Variants in MTMR14 observed in about 807,000 individuals in gnomAD.
MTMR14 encodes phosphatidylinositol-3,5-bisphosphate 3-phosphatase MTMR14.
In MTMR14, 48 loss-of-function variants were observed where a neutral mutation model predicts 86.3. The observed-to-expected ratio is 0.56, with a 90% CI of 0.44 to 0.71. The LOEUF (loss-of-function observed/expected upper bound fraction) is 0.71. MTMR14 is among the 30% of genes least tolerant of loss of function. The pLI is 0.00. For synonymous variants in MTMR14, 366 were observed against 326.1 expected (o/e 1.12, Z -1.32); for missense variants, 780 against 834.6 (o/e 0.93, Z 0.81).
rs112269726 is a variant in MTMR14, at chr3:9,686,610, G to A, written c.1165-1211G>A. On this transcript the variant is annotated intron_variant, in intron 13 of 18. Coordinates refer to ENST00000296003, the MANE Select transcript of MTMR14 (RefSeq NM_001077525.3). ...GTTCGGGGAACATATTAGCATATTA[G>A]CATATTAAAGACTACAAAGTCTGTA... Among the ~76,000 whole-genome samples, 89 of 152,316 alleles carry A rather than the reference G, an allele frequency of 5.8e-4. No individual in the cohort carries two copies. The Middle Eastern group carries it at 0.01, about 18-fold the overall frequency.
intron 2 of MTMR14, among the ~76,000 whole-genome samples, chr3:9,657,766 G>T (rs936598312): frequency 9.2e-5 from 14 of 152,148 alleles, no homozygotes; most frequent in East Asian, 3.9e-4. Flanking sequence ...GGCCAGGCTG[G>T]TCTTGAACTC....
chr3:9,650,243 G>A, intron 1 of MTMR14: 1 of 449,614 alleles, frequency 2.2e-6, no homozygotes, highest in Non-Finnish European at 4.5e-6. Flanking sequence ...TATAGAGCAG[G>A]AAGACAACCC....
intron 3 of MTMR14, among the ~76,000 whole-genome samples, chr3:9,665,788 G>A (rs1362656307): frequency 2.0e-5 from 3 of 150,476 alleles, no homozygotes; most frequent in Non-Finnish European, 1.5e-5. Flanking sequence ...GAGTGCAGTG[G>A]CGCGATCTCA....
intron 2 of MTMR14, among the ~76,000 whole-genome samples, chr3:9,658,778 T>C (rs912169216): frequency 1.1e-4 from 16 of 152,236 alleles, no homozygotes; most frequent in African/African-American, 3.4e-4. Context: ...CAGTAACATT[T>C]ATCTCAGGAA....
Position 9,688,743 on chromosome 3 carries a change from T to C in MTMR14, c.1283T>C (p.Ile428Thr). ...ARDGGFTLED[I>T]CMLRRKDRGS... ...GATGGAGGCTTCACCCTGGAAGACATCTGCATGCTGAGTGAGTCCTGGGCC... is the reference window on the plus strand; with the variant it reads ...GATGGAGGCTTCACCCTGGAAGACACCTGCATGCTGAGTGAGTCCTGGGCC... The change falls in exon 15 of 19, where the codon ATC becomes ACC. Residue 428 changes from isoleucine to threonine, a missense_variant. Transcript: ENST00000296003. The C allele has an allele frequency of 6.2e-7, 1 of 1,614,122 alleles. No homozygotes were observed. Among genetic ancestry groups the C allele is most frequent in the Non-Finnish European group, 8.5e-7 (1 of 1,180,028 alleles).
In MTMR14 at chr3:9,698,352, G is replaced by A. The variant is rs116603103; in HGVS notation, c.1769+486G>A. ...TCTGGGCAGGAATAAGAATTGGATGGGGATTCTAGATCCCACACCTACAAA... is the reference window on the plus strand; with the variant it reads ...TCTGGGCAGGAATAAGAATTGGATGAGGATTCTAGATCCCACACCTACAAA... On this transcript the variant is annotated intron_variant, in intron 18 of 18. Transcript: ENST00000296003. 2.9e-3 allele frequency among the ~76,000 whole-genome samples: 445 copies of A among 152,330 alleles called. 3 individuals carry two copies. The highest frequency in any genetic ancestry group is 0.01 in the African/African-American group (416 of 41,566).
intron 13 of MTMR14, among the ~76,000 whole-genome samples, chr3:9,686,828 A>T (rs748332727): frequency 5.5e-4 from 84 of 152,284 alleles, no homozygotes; most frequent in Non-Finnish European, 1.0e-3. Flanking sequence ...ATCACCACAG[A>T]AATGGAAGCC....
intron 5 of MTMR14, among the ~76,000 whole-genome samples, chr3:9,670,501 T>C (rs1471918210): frequency 6.6e-6 from 1 of 152,224 alleles, no homozygotes; most frequent in East Asian, 1.9e-4. Flanking sequence ...ATAGAAAAAT[T>C]TTATCTTTCT....
At chr3:9,692,424 G>A (rs1305211765) in intron 17 of MTMR14, among the ~76,000 whole-genome samples, 1 of 152,246 alleles carries the variant, frequency 6.6e-6, no homozygotes, top group African/African-American at 2.4e-5. Context: ...ATTGTTAGCT[G>A]TTGTTGCTGC....
intron 17 of MTMR14, among the ~76,000 whole-genome samples, chr3:9,694,887 G>A (rs752643368): frequency 1.3e-5 from 2 of 152,194 alleles, no homozygotes; most frequent in Non-Finnish European, 2.9e-5. Context: ...GCCCTGAGCC[G>A]CATCCAACTA....
intron 3 of MTMR14, among the ~76,000 whole-genome samples, chr3:9,664,048 C>G (rs927214214): frequency 6.6e-6 from 1 of 151,726 alleles, no homozygotes; most frequent in African/African-American, 2.4e-5. Flanking sequence ...CTCAGCCTCC[C>G]AAAGTGCTGG....
At chr3:9,655,704 AG>A (rs1339931588) in intron 2 of MTMR14, among the ~76,000 whole-genome samples, 2 of 149,878 alleles carry the variant, frequency 1.3e-5, no homozygotes, top group Non-Finnish European at 3.0e-5. Context: ...CTCATGATCC[AG>A]CCGCCTCGGC....
intron 3 of MTMR14, among the ~76,000 whole-genome samples, chr3:9,667,864 C>T (rs762953550): frequency 8.5e-5 from 13 of 152,172 alleles, no homozygotes; most frequent in Non-Finnish European, 1.5e-4. Flanking sequence ...TTTCCATTTG[C>T]ACATTGTGTT....
Position 9,681,357 on chromosome 3 carries a change from A to G in MTMR14, c.898-1821A>G, listed in dbSNP as rs763395138. The stretch of plus-strand genomic sequence containing the variant: ...TTGCCCCAGCTATGAAGAAGCAGCA[A>G]GGAACATTCTGCAATGACCTCCTAG... On this transcript the variant is annotated intron_variant, in intron 9 of 18. Coordinates refer to ENST00000296003, the MANE Select transcript of MTMR14 (RefSeq NM_001077525.3). Among the ~76,000 whole-genome samples the G allele has an allele frequency of 1.6e-4, 24 of 152,202 alleles. 1 individual carries two copies. The highest frequency in any genetic ancestry group is 2.6e-4 in the Non-Finnish European group (18 of 68,038).
At chr3:9,679,816 GGAAGTGAA>G (rs2075700606) in intron 9 of MTMR14, among the ~76,000 whole-genome samples, 3 of 152,222 alleles carry the variant, frequency 2.0e-5, no homozygotes, top group African/African-American at 7.2e-5. Context: ...GCTAATTCAG[GGAAGTGAA>G]CACTGAAACT....
At chr3:9,687,739 A>C in intron 13 of MTMR14, 82 bp from the exon 14 acceptor site, 2 of 1,168,178 alleles carry the variant, frequency 1.7e-6, no homozygotes, top group Non-Finnish European at 2.5e-6. Context: ...AGGGGCCTTG[A>C]CCTGAGTGGC....
In MTMR14 at chr3:9,651,981, G is replaced by A. The variant is rs997303746; in HGVS notation, c.160-1640G>A. ...CCAGTAGGTGGGAGTACAGGCGCCC[G>A]CCACCATGCCCAGCTAATTTTTATA... On this transcript the variant is annotated intron_variant, in intron 1 of 18. Coordinates refer to ENST00000296003, the MANE Select transcript of MTMR14 (RefSeq NM_001077525.3). Among the ~76,000 whole-genome samples, 16 of 152,056 alleles carry A rather than the reference G, an allele frequency of 1.1e-4. 1 individual carries two copies. The highest frequency in any genetic ancestry group is 7.9e-4 in the Admixed American group (12 of 15,264).
rs745913718 is a variant in MTMR14, at chr3:9,672,720, G to A, written c.713G>A (p.Arg238His). The stretch of plus-strand genomic sequence containing the variant: ...TCTGAGAAGGTGGACAAAGCCCAGC[G>A]CTATGCCGACTTCACTCTCCTCTCC... ...TSSEKVDKAQ[R>H]YADFTLLSIP... The change falls in exon 7 of 19, where the codon CGC becomes CAC. Residue 238 changes from arginine (R) to histidine (H), a missense_variant. Arg to His is a conservative substitution (Grantham distance 29, BLOSUM62 0). Transcript: ENST00000296003. 3.1e-6 allele frequency: 5 copies of A among 1,614,194 alleles called. No homozygotes were observed. The highest frequency in any genetic ancestry group is 4.2e-6 in the Non-Finnish European group (5 of 1,180,032).
chr3:9,672,716 C>T lies in MTMR14; in HGVS notation c.709C>T (p.Gln237Ter). ...CTCCTCTGAGAAGGTGGACAAAGCC[C>T]AGCGCTATGCCGACTTCACTCTCCT... ...VTSSEKVDKA[Q>*]RYADFTLLSI... The change falls in exon 7 of 19, where the codon CAG becomes TAG. Residue 237 changes from glutamine (Q) to a stop codon, truncating the protein, a stop_gained. Coordinates refer to ENST00000296003, the MANE Select transcript of MTMR14 (RefSeq NM_001077525.3). LOFTEE classifies it high-confidence loss of function. 1 of 1,614,172 alleles carries T rather than the reference C, an allele frequency of 6.2e-7. No individual in the cohort carries two copies. Among genetic ancestry groups the T allele is most frequent in the Non-Finnish European group, 8.5e-7 (1 of 1,180,044 alleles).
Sources: gnomAD v4.1 joint callset for allele counts (sites outside exome capture counted in the v4.1 genomes callset) on GRCh38, gnomAD v4.1.1 for gene constraint, MANE v1.5 for transcripts, NCBI Gene and HGNC (gene_info 2026-07-23, HGNC 2026-07-21) for gene names.